MAP2: variants seen among roughly 807,000 people sequenced by gnomAD.
MAP2 encodes microtubule associated protein 2.
Under a neutral mutation model 137.6 loss-of-function variants are expected in MAP2, and 14 were observed. The observed-to-expected ratio is 0.10, with a 90% CI of 0.07 to 0.16. MAP2 has a LOEUF of 0.16. MAP2 is among the 10% of genes least tolerant of loss of function. The pLI is 1.00. For synonymous variants in MAP2, 786 were observed against 782.3 expected, an observed-to-expected ratio of 1.00 and a Z score of -0.08; for missense variants, 2,088 against 2,191.5, an observed-to-expected ratio of 0.95 and a Z score of 0.94.
chr2:209,455,651 C>T (rs1331733397), intron 1 of MAP2, among the ~76,000 whole-genome samples: 1 of 152,132 alleles, frequency 6.6e-6, no homozygotes, highest in African/African-American at 2.4e-5. Flanking sequence ...GCTTCATGTT[C>T]TTAATATATG....
At chr2:209,636,260 A>G (rs1040390467) in intron 4 of MAP2, among the ~76,000 whole-genome samples, 1 of 152,146 alleles carries the variant, frequency 6.6e-6, no homozygotes, top group Non-Finnish European at 1.5e-5. Flanking sequence ...ACCATTGTGA[A>G]CAGAGCTCTA....
chr2:209,453,727 A>G (rs1027732327), intron 1 of MAP2, among the ~76,000 whole-genome samples: 6 of 151,960 alleles, frequency 3.9e-5, no homozygotes, highest in African/African-American at 1.2e-4. Flanking sequence ...AGGATTCCCT[A>G]TTCTTTCTTT....
chr2:209,638,010 A>T (rs1163243228), intron 4 of MAP2, among the ~76,000 whole-genome samples: 1 of 152,160 alleles, frequency 6.6e-6, no homozygotes, highest in African/African-American at 2.4e-5. Context: ...TCCAAATAAG[A>T]TTGGAATATT....
In MAP2 at chr2:209,429,866, T is replaced by G. The variant is rs763250428; in HGVS notation, c.-222+5590T>G. ...GCTGAAATTACATAATGAATTGGCA[T>G]GAGAAAGTGTTCATCAATTTTAAAA... On this transcript the variant is annotated intron_variant, in intron 1 of 15. Coordinates refer to ENST00000682079, the MANE Select transcript of MAP2 (RefSeq NM_001375505.1). Among the ~76,000 whole-genome samples the G allele has an allele frequency of 8.9e-4, 135 of 152,110 alleles. 2 individuals are homozygous for G. Among genetic ancestry groups the G allele is most frequent in the Non-Finnish European group, 2.2e-4 (15 of 67,974 alleles).
At chr2:209,670,994 C>T (rs1475865027) in intron 5 of MAP2, among the ~76,000 whole-genome samples, 1 of 151,964 alleles carries the variant, frequency 6.6e-6, no homozygotes, top group African/African-American at 2.4e-5. Context: ...AAGTACCCAT[C>T]AGAGCTGAAT....
chr2:209,632,187 G>A (rs2093134000), intron 4 of MAP2, among the ~76,000 whole-genome samples: 1 of 152,178 alleles, frequency 6.6e-6, no homozygotes, highest in Non-Finnish European at 1.5e-5. Context: ...ACAAGAAAGT[G>A]AGTGGAAAAG....
At chr2:209,678,747 T>G in intron 6 of MAP2, 62 bp downstream of exon 6, 1 of 940,838 alleles carries the variant, frequency 1.1e-6, no homozygotes, top group Non-Finnish European at 1.6e-6. Flanking sequence ...CAGGATAAAG[T>G]CTTCATGTTC....
chr2:209,524,855 A>G (rs999957408), intron 2 of MAP2, among the ~76,000 whole-genome samples: 7 of 151,898 alleles, frequency 4.6e-5, no homozygotes, highest in Non-Finnish European at 8.8e-5. Flanking sequence ...TTTTCAATTC[A>G]TTACCTGTTG....
chr2:209,511,838 C>T (rs2061765976), intron 2 of MAP2, among the ~76,000 whole-genome samples: 1 of 152,208 alleles, frequency 6.6e-6, no homozygotes, highest in African/African-American at 2.4e-5. Flanking sequence ...TCTGAAGGTG[C>T]TAGGATTACA....
In MAP2 at chr2:209,491,257, A is replaced by C. The variant is rs572674042; in HGVS notation, c.-221-16335A>C. Reference sequence around the variant, plus strand: ...AGTTCTTTGAAACTAATGAGAACAAAGACACAATGTACCAGAATCTCTGAG... The same window carrying C: ...AGTTCTTTGAAACTAATGAGAACAACGACACAATGTACCAGAATCTCTGAG... On this transcript the variant is annotated intron_variant, in intron 1 of 15. Transcript: ENST00000682079. Among the ~76,000 whole-genome samples, 4 of 152,334 alleles carry C rather than the reference A, an allele frequency of 2.6e-5. No individual in the cohort carries two copies. The South Asian group carries it at 8.3e-4, about 32-fold the overall frequency.
At chr2:209,503,723 C>T (rs543471932) in intron 1 of MAP2, among the ~76,000 whole-genome samples, 125 of 152,070 alleles carry the variant, frequency 8.2e-4, no homozygotes, top group Non-Finnish European at 1.4e-3. Flanking sequence ...ATTCTCACCA[C>T]GAAGGGTATT....
Position 209,695,188 on chromosome 2 carries a change from A to G in MAP2, c.3018A>G (p.Ile1006Met), listed in dbSNP as rs917687311. 4.3e-6 allele frequency: 7 copies of G among 1,614,100 alleles called. No homozygotes were observed. The highest frequency in any genetic ancestry group is 5.9e-6 in the Non-Finnish European group (7 of 1,180,034). The change falls in exon 8 of 16, where the codon ATA becomes ATG. Residue 1006 changes from isoleucine (I) to methionine (M), a missense_variant. Ile to Met is a conservative substitution (Grantham distance 10). Around this residue, in one of 6 missense-constraint regions of MAP2, gnomAD observed 500 missense variants for 482.9 expected, o/e 1.04. Transcript: ENST00000682079. ...YEQALAKDLS[I>M]PTDASSEKAE... The stretch of plus-strand genomic sequence containing the variant: ...AAGCTTTGGCCAAAGATTTGTCAAT[A>G]CCAACAGATGCATCCTCTGAGAAAG...
rs768527035 is a variant in MAP2 at position 209,653,410 on chromosome 2, C to T, written c.240C>T (p.Thr80=). 6.9e-6 allele frequency: 11 copies of T among 1,603,896 alleles called. No individual in the cohort carries two copies. In the Admixed American group the frequency reaches 1.0e-4, roughly 15 times the overall value. ...TKENGINGEL[T]SADRETAEEV... The stretch of plus-strand genomic sequence containing the variant: ...AGAATGGGATCAACGGAGAGCTGAC[C>T]TCAGCTGACAGAGAAACAGCAGGTA... The change falls in exon 5 of 16, where the codon ACC becomes ACT. Residue 80 remains threonine (T), a synonymous_variant. Coordinates refer to ENST00000682079, the MANE Select transcript of MAP2 (RefSeq NM_001375505.1).
chr2:209,604,388 C>G (rs1193770230), intron 3 of MAP2, among the ~76,000 whole-genome samples: 3 of 152,044 alleles, frequency 2.0e-5, no homozygotes, highest in East Asian at 1.9e-4. Flanking sequence ...TGTACAGTGC[C>G]CTATCTGCAT....
intron 1 of MAP2, among the ~76,000 whole-genome samples, chr2:209,480,322 G>A (rs183434308): frequency 4.6e-5 from 7 of 152,172 alleles, no homozygotes; most frequent in South Asian, 2.1e-4. Context: ...TATTCCATTC[G>A]GAGGGAAACT....
At position 209,693,290 on chromosome 2, in the gene MAP2, GCTAAAC is replaced by G. The variant is rs768581037; in HGVS notation, c.1123_1128del (p.Lys375_Pro376del). ...TTTTAAAATTGAAGAGCCCCATGAGGCTAAACCTGACAAAATGGCAGAAGCACCACC... is the reference window on the plus strand; with the variant it reads ...TTTTAAAATTGAAGAGCCCCATGAGGCTGACAAAATGGCAGAAGCACCACC... On this transcript the variant is annotated inframe_deletion, in exon 8 of 16. Transcript: ENST00000682079. 2 of 1,614,024 alleles carry G rather than the reference GCTAAAC, an allele frequency of 1.2e-6. No individual in the cohort carries two copies. Among genetic ancestry groups the G allele is most frequent in the Non-Finnish European group, 1.7e-6 (2 of 1,179,996 alleles).
chr2:209,638,498 A>G (rs1211038340), intron 4 of MAP2, among the ~76,000 whole-genome samples: 2 of 152,118 alleles, frequency 1.3e-5, no homozygotes, highest in East Asian at 1.9e-4. Context: ...AAGAAGAGAA[A>G]TGACTCTGCT....
chr2:209,709,140 A>G (rs2064515840), intron 12 of MAP2, among the ~76,000 whole-genome samples: 1 of 152,186 alleles, frequency 6.6e-6, no homozygotes, highest in Non-Finnish European at 1.5e-5. Flanking sequence ...CTGTATAATT[A>G]ATGTGGTTTT....
chr2:209,523,362 T>C (rs545907796), intron 2 of MAP2, among the ~76,000 whole-genome samples: 4 of 152,312 alleles, frequency 2.6e-5, no homozygotes, highest in Admixed American at 2.0e-4. Context: ...GATATAATTT[T>C]AGTGTTTATG....
Sources: allele counts gnomAD v4.1 joint callset (sites outside exome capture counted in the v4.1 genomes callset), GRCh38; gene constraint gnomAD v4.1.1; regional missense constraint gnomAD v4.1.1; transcripts MANE v1.5; gene names NCBI Gene and HGNC (gene_info 2026-07-23, HGNC 2026-07-21).